The following SEMG1 variants were observed in gnomAD, a reference collection of about 807,000 sequenced individuals.
SEMG1 encodes the protein semenogelin 1.
In SEMG1, 6 loss-of-function variants were observed where a neutral mutation model predicts 8.8. The ratio of observed to expected loss-of-function variants is 0.68; its 90% CI spans 0.37 to 1.35. The LOEUF (loss-of-function observed/expected upper bound fraction) is 1.35. Among genes scored for constraint, SEMG1 ranks in the 40% most tolerant of loss-of-function variants. SEMG1 has a pLI of 0.02. For synonymous variants in SEMG1, 221 were observed against 190.3 expected (o/e 1.16, Z -1.33); for missense variants, 580 against 533.6 (o/e 1.09, Z -0.86).
Position 45,208,237 on chromosome 20 carries a change from A to G in SEMG1, c.940A>G (p.Ile314Val), listed in dbSNP as rs1297881930. The G allele has an allele frequency of 6.2e-7, 1 of 1,612,230 alleles. No individual in the cohort carries two copies. Among genetic ancestry groups the G allele is most frequent in the Non-Finnish European group, 8.5e-7 (1 of 1,179,088 alleles). ...GVQKDVSQSS[I>V]YSQTEEKAQG... is the part of the protein sequence containing the mutation. ...GCAGAAAGATGTATCCCAAAGCAGT[A>G]TTTATAGCCAAACTGAAGAGAAAGC... is the stretch of plus-strand genomic sequence containing the variant. Residue 314 changes from isoleucine to valine, a missense_variant, in exon 2 of 3, where the codon ATT becomes GTT. By Grantham distance (29) the Ile-to-Val change is conservative (BLOSUM62 3). Transcript: ENST00000372781.
chr20:45,208,328 A>G lies in SEMG1; in HGVS notation c.1031A>G (p.Asn344Ser), dbSNP rs753488082. 6.8e-6 allele frequency: 11 copies of G among 1,611,184 alleles called. 1 individual carries two copies. The Middle Eastern group carries it at 1.0e-3, about 146-fold the overall frequency. The change falls in exon 2 of 3, where the codon AAT (asparagine) becomes AGT (serine). Residue 344 changes from asparagine (N) to serine (S), a missense_variant. Asn to Ser is a conservative substitution (Grantham distance 46, BLOSUM62 1). Transcript: ENST00000372781. ...GAGCAAGAGCATAGCCAAAAGGCAA[A>G]TAAAATATCATACCAATCTTCAAGT... ...SQEQEHSQKANKISYQSSSTE... is the reference protein window; with the variant it reads ...SQEQEHSQKASKISYQSSSTE...
In SEMG1 at chr20:45,207,546, G is replaced by A. The variant is rs1392977307; in HGVS notation, c.249G>A (p.Gln83=). Residue 83 remains glutamine, a synonymous_variant, in exon 2 of 3, where the codon CAG becomes CAA. Coordinates refer to ENST00000372781, the MANE Select transcript of SEMG1 (RefSeq NM_003007.5). The stretch of plus-strand genomic sequence containing the variant: ...ATCATGACCAGTCCCGAAAAAGTCA[G>A]CAATATGATTTGAATGCCCTACATA... The part of the protein sequence containing the change: ...ANDHDQSRKS[Q]QYDLNALHKT... 1 of 1,613,774 alleles carries A rather than the reference G, an allele frequency of 6.2e-7. No homozygotes were observed. Among genetic ancestry groups the A allele is most frequent in the Admixed American group, 1.7e-5 (1 of 59,992 alleles).
Position 45,207,642 on chromosome 20 carries a change from C to G in SEMG1, c.345C>G (p.Asp115Glu). Residue 115 changes from aspartate to glutamate, a missense_variant, in exon 2 of 3, where the codon GAC (aspartate) becomes GAG (glutamate). By Grantham distance (45) the Asp-to-Glu change is conservative. Coordinates refer to ENST00000372781, the MANE Select transcript of SEMG1 (RefSeq NM_003007.5). ...TCCATAATAAACAAGAAGGCAGAGA[C>G]CATGATAAATCAAAAGGTCATTTTC... Reference protein sequence around the residue: ...QLLHNKQEGRDHDKSKGHFHR... With the variant: ...QLLHNKQEGREHDKSKGHFHR... 2 of 1,613,752 alleles carry G rather than the reference C, an allele frequency of 1.2e-6. No individual in the cohort carries two copies. The highest frequency in any genetic ancestry group is 1.7e-6 in the Non-Finnish European group (2 of 1,179,834).
Position 45,208,099 on chromosome 20 carries a change from C to T in SEMG1, c.802C>T (p.His268Tyr), listed in dbSNP as rs761683139. Residue 268 changes from histidine (H) to tyrosine (Y), a missense_variant, in exon 2 of 3, where the codon CAC (histidine) becomes TAC (tyrosine). Physicochemically the swap from His to Tyr is moderately conservative, Grantham distance 83 (BLOSUM62 2). Transcript: ENST00000372781. The part of the protein sequence containing the change: ...DELLVYNKNQ[H>Y]QTKNLNQDQQ... The stretch of plus-strand genomic sequence containing the variant: ...GCTCCTAGTATATAACAAGAATCAA[C>T]ACCAGACAAAAAATCTCAATCAAGA... The T allele has an allele frequency of 8.2e-5, 132 of 1,613,832 alleles. No homozygotes were observed. The highest frequency in any genetic ancestry group is 1.0e-4 in the Non-Finnish European group (123 of 1,179,960).
rs754851080 is a variant in SEMG1 at position 45,208,415 on chromosome 20, G to T, written c.1118G>T (p.Ser373Ile). 6.2e-7 allele frequency: 1 copy of T among 1,614,032 alleles called. No individual in the cohort carries two copies. The highest frequency in any genetic ancestry group is 8.5e-7 in the Non-Finnish European group (1 of 1,179,978). ...NGVQKDVSQR[S>I]IYSQTEKLVA... is the part of the protein sequence containing the mutation. ...GTGCAGAAAGATGTATCCCAACGCA[G>T]TATTTATAGCCAAACTGAAAAGCTA... is the stretch of plus-strand genomic sequence containing the variant. Residue 373 changes from serine (S) to isoleucine (I), a missense_variant, in exon 2 of 3, where the codon AGT becomes ATT. Transcript: ENST00000372781.
At position 45,208,576 on chromosome 20, in the gene SEMG1, C is replaced by A. The variant is rs748026539; in HGVS notation, c.1279C>A (p.Gln427Lys). Residue 427 changes from glutamine to lysine, a missense_variant, in exon 2 of 3, where the codon CAA (glutamine) becomes AAA (lysine). Physicochemically the swap from Gln to Lys is moderately conservative, Grantham distance 53 (BLOSUM62 1). Coordinates refer to ENST00000372781, the MANE Select transcript of SEMG1 (RefSeq NM_003007.5). ...LLSHEQKGRH[Q>K]HGSHGGLDIV... ...CAGTCATGAACAAAAAGGCAGACAC[C>A]AACATGGATCTCATGGGGGATTGGA... The A allele has an allele frequency of 6.2e-7, 1 of 1,613,870 alleles. No individual in the cohort carries two copies. The highest frequency in any genetic ancestry group is 8.5e-7 in the Non-Finnish European group (1 of 1,179,816).
chr20:45,209,021 A>G (rs192047923), intron 2 of SEMG1, among the ~76,000 whole-genome samples: 47 of 152,252 alleles, frequency 3.1e-4, no homozygotes, highest in Admixed American at 7.9e-4. Context: ...TTGAACAGGT[A>G]CTGACTACAT....
Position 45,207,841 on chromosome 20 carries a change from CA to C in SEMG1, c.549del (p.Gly184ValfsTer18). 6.2e-7 allele frequency: 1 copy of C among 1,613,740 alleles called. No individual in the cohort carries two copies. Reference protein sequence around the residue: ...SKEQTSVSGAQKGRKQGGSQS... With the variant: ...SKEQTSVSGAXKGRKQGGSQS... ...AGAACAAACTTCCGTCTCTGGTGCA[CA>C]AAAAGGTAGAAAACAAGGCGGATCC... On this transcript the variant is annotated frameshift_variant, in exon 2 of 3. Transcript: ENST00000372781. LOFTEE classifies it low-confidence loss of function (END_TRUNC).
At position 45,207,888 on chromosome 20, in the gene SEMG1, A is replaced by C. The variant is rs1983737904; in HGVS notation, c.591A>C (p.Gln197His). 4 of 1,613,980 alleles carry C rather than the reference A, an allele frequency of 2.5e-6. No homozygotes were observed. The highest frequency in any genetic ancestry group is 3.4e-6 in the Non-Finnish European group (4 of 1,179,990). ...QGGSQSSYVL[Q>H]TEELVANKQQ... is the part of the protein sequence containing the mutation. ...GATCCCAAAGCAGTTATGTTCTCCA[A>C]ACTGAAGAGCTAGTAGCTAACAAAC... The change falls in exon 2 of 3, where the codon CAA (glutamine) becomes CAC (histidine). Residue 197 changes from glutamine (Q) to histidine (H), a missense_variant. Coordinates refer to ENST00000372781, the MANE Select transcript of SEMG1 (RefSeq NM_003007.5).
Position 45,207,654 on chromosome 20 carries a change from A to C in SEMG1, c.357A>C (p.Ser119=). The C allele has an allele frequency of 6.2e-7, 1 of 1,613,980 alleles. No homozygotes were observed. Among genetic ancestry groups the C allele is most frequent in the Non-Finnish European group, 8.5e-7 (1 of 1,179,886 alleles). ...AAGAAGGCAGAGACCATGATAAATC[A>C]AAAGGTCATTTTCACAGGGTAGTTA... ...NKQEGRDHDK[S]KGHFHRVVIH... The change falls in exon 2 of 3, where the codon TCA becomes TCC. Residue 119 remains serine, a synonymous_variant. Transcript: ENST00000372781.
chr20:45,208,711 A>G lies in SEMG1; in HGVS notation c.*25A>G, dbSNP rs1427178319. 1 of 1,511,466 alleles carries G rather than the reference A, an allele frequency of 6.6e-7. No homozygotes were observed. Among genetic ancestry groups the G allele is most frequent in the Non-Finnish European group, 9.0e-7 (1 of 1,104,982 alleles). 93.6% of individuals were successfully genotyped at this position (1,511,466 alleles called of 1,614,324 possible). On this transcript the variant is annotated 3_prime_UTR_variant, in exon 2 of 3. Coordinates refer to ENST00000372781, the MANE Select transcript of SEMG1 (RefSeq NM_003007.5). ...AACCTACCATTCGGTAACCATGTGA[A>G]AGGATGGACCAATATCAAGGTAATT...
rs981863933 is a variant in SEMG1 at position 45,207,618 on chromosome 20, C to A, written c.321C>A (p.Leu107=). The change falls in exon 2 of 3, where the codon CTC becomes CTA. Residue 107 remains leucine (L), a synonymous_variant. Coordinates refer to ENST00000372781, the MANE Select transcript of SEMG1 (RefSeq NM_003007.5). ...ATCTAGGTGGAAGTCAACAACTGCT[C>A]CATAATAAACAAGAAGGCAGAGACC... ...QRHLGGSQQL[L]HNKQEGRDHD... The A allele has an allele frequency of 3.1e-6, 5 of 1,613,526 alleles. No homozygotes were observed. The African/African-American group carries it at 6.7e-5, about 22-fold the overall frequency.
chr20:45,208,889 G>A (rs376858727), intron 2 of SEMG1, among the ~76,000 whole-genome samples, 159 bp downstream of exon 2: 3 of 152,180 alleles, frequency 2.0e-5, no homozygotes, highest in Non-Finnish European at 4.4e-5. Context: ...CCCTGGTGAG[G>A]AGAGGGTCTG....
Position 45,208,470 on chromosome 20 carries a change from A to G in SEMG1, c.1173A>G (p.Pro391=). 1 of 1,613,986 alleles carries G rather than the reference A, an allele frequency of 6.2e-7. No individual in the cohort carries two copies. The highest frequency in any genetic ancestry group is 8.5e-7 in the Non-Finnish European group (1 of 1,179,970). Residue 391 remains proline (P), a synonymous_variant, in exon 2 of 3, where the codon CCA becomes CCG. Transcript: ENST00000372781. ...LVAGKSQIQA[P]NPKQEPWHGE... ...CAGGCAAGTCTCAAATCCAGGCACCAAATCCTAAGCAAGAGCCATGGCATG... is the reference window on the plus strand; with the variant it reads ...CAGGCAAGTCTCAAATCCAGGCACCGAATCCTAAGCAAGAGCCATGGCATG...
intron 1 of SEMG1, 104 bp from the exon 2 acceptor site, chr20:45,207,269 CT>C (rs1299266016): frequency 1.4e-6 from 2 of 1,464,310 alleles, no homozygotes; most frequent in African/African-American, 1.4e-5. Flanking sequence ...AAAGCTTCAG[CT>C]TTTCTAGAAA....
At position 45,207,688 on chromosome 20, in the gene SEMG1, A is replaced by G; in HGVS notation, c.391A>G (p.Lys131Glu). 6.2e-7 allele frequency: 1 copy of G among 1,614,010 alleles called. No individual in the cohort carries two copies. The highest frequency in any genetic ancestry group is 8.5e-7 in the Non-Finnish European group (1 of 1,179,904). ...TTTTCACAGGGTAGTTATACACCAT[A>G]AAGGAGGCAAAGCTCATCGTGGGAC... ...GHFHRVVIHHKGGKAHRGTQN... is the reference protein window; with the variant it reads ...GHFHRVVIHHEGGKAHRGTQN... Residue 131 changes from lysine to glutamate, a missense_variant, in exon 2 of 3, where the codon AAA (lysine) becomes GAA (glutamate). Lys to Glu is a moderately conservative substitution (Grantham distance 56). Transcript: ENST00000372781.
chr20:45,208,355 C>A lies in SEMG1; in HGVS notation c.1058C>A (p.Thr353Lys). The change falls in exon 2 of 3, where the codon ACG becomes AAG. Residue 353 changes from threonine (T) to lysine (K), a missense_variant. Coordinates refer to ENST00000372781, the MANE Select transcript of SEMG1 (RefSeq NM_003007.5). ...ANKISYQSSS[T>K]EERRLHYGEN... ...AAAATATCATACCAATCTTCAAGTA[C>A]GGAAGAAAGACGACTCCACTATGGA... is the stretch of plus-strand genomic sequence containing the variant. 6.2e-7 allele frequency: 1 copy of A among 1,611,700 alleles called. No homozygotes were observed. The highest frequency in any genetic ancestry group is 8.5e-7 in the Non-Finnish European group (1 of 1,178,714).
chr20:45,207,422 G>T lies in SEMG1; in HGVS notation c.125G>T (p.Gly42Val). Reference protein sequence around the residue: ...LPSEFSQFPHGQKGQHYSGQK... With the variant: ...LPSEFSQFPHVQKGQHYSGQK... ...AGTGAATTTTCCCAATTTCCACACG[G>T]ACAAAAGGGCCAGCACTATTCTGGA... Residue 42 changes from glycine to valine, a missense_variant, in exon 2 of 3, where the codon GGA becomes GTA. Physicochemically the swap from Gly to Val is moderately radical, Grantham distance 109 (BLOSUM62 -3). Transcript: ENST00000372781. The T allele has an allele frequency of 6.2e-7, 1 of 1,611,608 alleles. No individual in the cohort carries two copies. The highest frequency in any genetic ancestry group is 1.3e-5 in the African/African-American group (1 of 74,864).
chr20:45,208,734 A>T lies in SEMG1; in HGVS notation c.*44+4A>T. On this transcript the variant is annotated splice_donor_region_variant and intron_variant, in intron 2 of 2. Coordinates refer to ENST00000372781, the MANE Select transcript of SEMG1 (RefSeq NM_003007.5). ...GAAAGGATGGACCAATATCAAGGTA[A>T]TTTTTTTTTAGCAAATAGGGGAGAT... 7.5e-7 allele frequency: 1 copy of T among 1,340,782 alleles called. No individual in the cohort carries two copies. Among genetic ancestry groups the T allele is most frequent in the South Asian group, 1.4e-5 (1 of 71,446 alleles). 83.1% of individuals were successfully genotyped at this position (1,340,782 alleles called of 1,614,324 possible). A position where few individuals can be genotyped will look rare whatever the true frequency, so the allele number is the denominator to read the frequency against.
Sources: gnomAD v4.1 joint callset for allele counts (sites outside exome capture counted in the v4.1 genomes callset) on GRCh38, gnomAD v4.1.1 for gene constraint, MANE v1.5 for transcripts, NCBI Gene and HGNC (gene_info 2026-07-23, HGNC 2026-07-21) for gene names.